The following ATAD1 variants were observed in gnomAD, a reference collection of about 807,000 sequenced individuals.
ATAD1 encodes ATPase family AAA domain containing 1, also known as outer mitochondrial transmembrane helix translocase.
Under a neutral mutation model 42.7 loss-of-function variants are expected in ATAD1, and 18 were observed. That is an observed-to-expected ratio of 0.42 (90% CI 0.29 to 0.63). ATAD1 has a LOEUF of 0.63. ATAD1 is among the 20% of genes least tolerant of loss of function. The pLI, the probability that ATAD1 is intolerant of heterozygous loss-of-function variation, is 0.19. For missense variants in ATAD1, 294 were observed against 440.4 expected (o/e 0.67, Z 2.98); for synonymous variants, 132 against 143.1 (o/e 0.92, Z 0.55).
At chr10:87,784,213 A>C (rs1486938394) in intron 5 of ATAD1, among the ~76,000 whole-genome samples, 3 of 152,186 alleles carry the variant, frequency 2.0e-5, no homozygotes, top group African/African-American at 7.2e-5. Flanking sequence ...ACATATATAC[A>C]TGAGAAAACA....
At chr10:87,802,483 T>C (rs1047215569) in intron 2 of ATAD1, among the ~76,000 whole-genome samples, 1 of 152,140 alleles carries the variant, frequency 6.6e-6, no homozygotes, top group Non-Finnish European at 1.5e-5. Context: ...ATTATTTCTA[T>C]GGAACAAAGT....
chr10:87,798,624 G>GT (rs1236966457), intron 2 of ATAD1, among the ~76,000 whole-genome samples: 5,547 of 144,290 alleles, frequency 0.038, 193 homozygotes, highest in South Asian at 0.073. Context: ...AAGCTATAGG[G>GT]GGTGTGTGTG....
intron 7 of ATAD1, among the ~76,000 whole-genome samples, 188 bp downstream of exon 7, chr10:87,770,764 T>C (rs1277868490): frequency 6.8e-6 from 1 of 147,016 alleles, no homozygotes; most frequent in Non-Finnish European, 1.5e-5. Context: ...GAGAAGCAAG[T>C]AACACTAATC....
At chr10:87,805,507 T>C (rs1441619136) in intron 2 of ATAD1, among the ~76,000 whole-genome samples, 2 of 152,198 alleles carry the variant, frequency 1.3e-5, no homozygotes, top group Non-Finnish European at 2.9e-5. Context: ...AAACATGCCC[T>C]AATATTTCAA....
At chr10:87,772,710 T>C (rs950821371) in intron 6 of ATAD1, among the ~76,000 whole-genome samples, 2 of 152,084 alleles carry the variant, frequency 1.3e-5, no homozygotes, top group African/African-American at 2.4e-5. Context: ...TAGTAAAACA[T>C]GGCCTATTGA....
chr10:87,828,062 A>G (rs762222393), intron 1 of ATAD1, among the ~76,000 whole-genome samples: 3 of 152,072 alleles, frequency 2.0e-5, no homozygotes, highest in African/African-American at 4.8e-5. Context: ...GGCTCAAGCA[A>G]TCATCCCACC....
intron 5 of ATAD1, among the ~76,000 whole-genome samples, chr10:87,778,463 A>G (rs1190272190): frequency 3.3e-5 from 5 of 152,194 alleles, no homozygotes; most frequent in African/African-American, 1.2e-4. Flanking sequence ...TAATGATATG[A>G]TATCTTGGGG....
intron 5 of ATAD1, among the ~76,000 whole-genome samples, chr10:87,781,803 C>T (rs138748312): frequency 9.2e-5 from 14 of 152,120 alleles, no homozygotes; most frequent in East Asian, 7.7e-4. Flanking sequence ...TTACCACACC[C>T]GGCTAATTTT....
exon 1 of ATAD1, chr10:87,841,245 C>A (rs1312795243): frequency 6.6e-6 from 1 of 152,110 alleles, no homozygotes; most frequent in Admixed American, 6.5e-5. Flanking sequence ...TTTCTCTTTG[C>A]ACAGTTAAGC....
intron 1 of ATAD1, among the ~76,000 whole-genome samples, chr10:87,815,150 A>C (rs186479996): frequency 6.6e-6 from 1 of 152,226 alleles, no homozygotes; most frequent in Admixed American, 6.5e-5. Context: ...CCTCAGTAAT[A>C]AGTGGTATTA....
intron 1 of ATAD1, among the ~76,000 whole-genome samples, chr10:87,830,364 C>T (rs992140610): frequency 4.6e-5 from 7 of 152,194 alleles, no homozygotes; most frequent in African/African-American, 1.7e-4. Context: ...CTTACAAGTT[C>T]CATATTTTCT....
At position 87,776,310 on chromosome 10, in the gene ATAD1, T is replaced by C. The variant is rs199594188; in HGVS notation, c.690+11A>G. ...ACCAACACAAGTTGAGGGCAGATTT[T>C]ATTCAAATACCTGGCAGCTGTGATC... On this transcript the variant is annotated intron_variant, in intron 6 of 9. Transcript: ENST00000680024. 7.2e-4 allele frequency: 1,147 copies of C among 1,600,780 alleles called. 4 individuals carry two copies. The highest frequency in any genetic ancestry group is 1.5e-3 in the Middle Eastern group (9 of 6,016).
At chr10:87,825,378 C>T (rs1323443370) in intron 1 of ATAD1, among the ~76,000 whole-genome samples, 2 of 146,388 alleles carry the variant, frequency 1.4e-5, no homozygotes, top group Admixed American at 7.0e-5. Flanking sequence ...GGCGCAATCT[C>T]GGCTCACCGC....
At chr10:87,825,755 G>A (rs937352463) in intron 1 of ATAD1, among the ~76,000 whole-genome samples, 12 of 151,834 alleles carry the variant, frequency 7.9e-5, no homozygotes, top group Admixed American at 3.3e-4. Context: ...AGGTTGGAGT[G>A]CAGTGTCTGG....
rs1854116115 is a variant in ATAD1 at position 87,754,017 on chromosome 10, T to C, written c.*670A>G. 1 of 152,266 alleles carries C rather than the reference T, an allele frequency of 6.6e-6. No individual in the cohort carries two copies. The highest frequency in any genetic ancestry group is 2.4e-5 in the African/African-American group (1 of 41,458). The allele number at this position is 152,266 out of a possible 1,614,324, so 9.4% of individuals were successfully genotyped here. A position where few individuals can be genotyped will look rare whatever the true frequency, so the allele number is the denominator to read the frequency against. On this transcript the variant is annotated 3_prime_UTR_variant, in exon 10 of 10. Coordinates refer to ENST00000680024, the MANE Select transcript of ATAD1 (RefSeq NM_001321967.2). ...CTGAACTAGTATTTTCATTTGATTA[T>C]CCTGACAAACATAATAATTGAGCCC...
rs1854110972 is a variant in ATAD1, at chr10:87,753,881, G to A, written c.*806C>T. 6.6e-6 allele frequency: 1 copy of A among 152,542 alleles called. No individual in the cohort carries two copies. The highest frequency in any genetic ancestry group is 1.5e-5 in the Non-Finnish European group (1 of 68,010). The allele number at this position is 152,542 out of a possible 1,614,324, so 9.4% of individuals were successfully genotyped here. ...GTTTTTCAAACCCATTCTTTTGAAA[G>A]GCCTTTTAATCCACTTTCATGTAAA... On this transcript the variant is annotated 3_prime_UTR_variant, in exon 10 of 10. Transcript: ENST00000680024.
intron 5 of ATAD1, among the ~76,000 whole-genome samples, chr10:87,780,360 A>G (rs945826732): frequency 6.6e-6 from 1 of 152,204 alleles, no homozygotes; most frequent in Non-Finnish European, 1.5e-5. Context: ...TGTAATGATA[A>G]ATAAAAAACA....
chr10:87,757,065 C>A, intron 8 of ATAD1, 143 bp from the exon 9 acceptor site: 1 of 608,682 alleles, frequency 1.6e-6, no homozygotes, highest in Non-Finnish European at 2.5e-6. Flanking sequence ...TTTTTTTAAC[C>A]ACAAAAGCTT....
intron 2 of ATAD1, among the ~76,000 whole-genome samples, chr10:87,807,464 G>A (rs1227953117): frequency 6.6e-6 from 1 of 152,136 alleles, no homozygotes; most frequent in Non-Finnish European, 1.5e-5. Flanking sequence ...GTTATTGACA[G>A]ACTTAAAACT....
Sources: allele counts gnomAD v4.1 joint callset (sites outside exome capture counted in the v4.1 genomes callset), GRCh38; gene constraint gnomAD v4.1.1; transcripts MANE v1.5; gene names NCBI Gene and HGNC (gene_info 2026-07-23, HGNC 2026-07-21).